ZNF587: variants seen among roughly 807,000 people sequenced by gnomAD.
ZNF587 encodes the protein zinc finger protein zfp6.
ZNF587 carries 8 observed loss-of-function variants against 7.5 expected under a neutral mutation model. That is an observed-to-expected ratio of 1.06 (90% CI 0.62 to 1.92). The LOEUF (loss-of-function observed/expected upper bound fraction) is 1.92. Among genes scored for constraint, ZNF587 ranks in the 40% most tolerant of loss-of-function variants. The pLI is 0.00. For missense variants in ZNF587, 468 were observed against 692.8 expected (o/e 0.68, Z 3.64); for synonymous variants, 145 against 237.8 (o/e 0.61, Z 3.59).
At chr19:57,852,892 G>A (rs1409951857) in intron 1 of ZNF587, among the ~76,000 whole-genome samples, 7 of 104,152 alleles carry the variant, frequency 6.7e-5, no homozygotes, top group Non-Finnish European at 1.0e-4. Context: ...TCACTCTCTT[G>A]TCCAGCCTGG....
Position 57,859,764 on chromosome 19 carries a change from T to A in ZNF587, c.1352T>A (p.Leu451His). The part of the protein sequence containing the change: ...CGKLFNRKYH[L>H]LVHERVHTGE... ...AAATTATTTAACAGGAAGTATCATC[T>A]TCTGGTTCATGAGAGAGTTCACACT... Residue 451 changes from leucine to histidine, a missense_variant, in exon 3 of 3, where the codon CTT (leucine) becomes CAT (histidine). By Grantham distance (99) the Leu-to-His change is moderately conservative (BLOSUM62 -3). Transcript: ENST00000339656. 2 of 1,613,750 alleles carry A rather than the reference T, an allele frequency of 1.2e-6. No individual in the cohort carries two copies. Among genetic ancestry groups the A allele is most frequent in the South Asian group, 2.2e-5 (2 of 91,084 alleles).
At chr19:57,857,171 C>T (rs2071367877) in intron 2 of ZNF587, 1 of 151,926 alleles carries the variant, frequency 6.6e-6, no homozygotes, top group Non-Finnish European at 1.5e-5. Flanking sequence ...TGGTTCAATT[C>T]AGGCTCATCA....
intron 1 of ZNF587, among the ~76,000 whole-genome samples, chr19:57,852,845 T>C (rs1310208841): frequency 9.1e-6 from 1 of 109,310 alleles, no homozygotes; most frequent in Non-Finnish European, 2.0e-5. Flanking sequence ...CTAGGCTTTT[T>C]TTTTTTTTTT....
Position 57,849,928 on chromosome 19 carries a change from C to T in ZNF587, c.-111C>T, listed in dbSNP as rs2071256732. ...GGCCCCTGAGTGCTGGGTGGGACCG[C>T]GGTGACTGAACCTAGAAGGTGGAGA... On this transcript the variant is annotated 5_prime_UTR_variant, in exon 1 of 3. Transcript: ENST00000339656. The T allele has an allele frequency of 2.5e-5, 40 of 1,599,750 alleles. No individual in the cohort carries two copies. The South Asian group carries it at 4.0e-4, about 16-fold the overall frequency.
At position 57,861,485 on chromosome 19, in the gene ZNF587, C is replaced by T. The variant is rs2071431429; in HGVS notation, c.*1345C>T. ...AGCTGGAAATACAGGTATGCACCAC[C>T]ACAACTGGATAACTTTTGTATTTTC... On this transcript the variant is annotated 3_prime_UTR_variant, in exon 3 of 3. Coordinates refer to ENST00000339656, the MANE Select transcript of ZNF587 (RefSeq NM_032828.4). 1 of 151,984 alleles carries T rather than the reference C, an allele frequency of 6.6e-6. No homozygotes were observed. Among genetic ancestry groups the T allele is most frequent in the Admixed American group, 6.6e-5 (1 of 15,254 alleles). The allele number at this position is 151,984 out of a possible 1,614,324, so 9.4% of individuals were successfully genotyped here.
chr19:57,850,059 G>A lies in ZNF587; in HGVS notation c.21G>A (p.Arg7=). 6.2e-7 allele frequency: 1 copy of A among 1,614,260 alleles called. No individual in the cohort carries two copies. The highest frequency in any genetic ancestry group is 8.5e-7 in the Non-Finnish European group (1 of 1,180,054). Residue 7 remains arginine (R), a synonymous_variant, in exon 1 of 3, where the codon AGG becomes AGA. Transcript: ENST00000339656. ...GTCCGATGGCAGCGGCTGTGCCGAGGCGCCCAACTCAGGTAATTGTGGTGC... is the reference window on the plus strand; with the variant it reads ...GTCCGATGGCAGCGGCTGTGCCGAGACGCCCAACTCAGGTAATTGTGGTGC... MAAAVP[R]RPTQQGTVTF...
intron 1 of ZNF587, among the ~76,000 whole-genome samples, chr19:57,853,363 C>T (rs1163970337): frequency 2.0e-5 from 3 of 152,190 alleles, no homozygotes; most frequent in African/African-American, 7.2e-5. Flanking sequence ...AAATCGATAA[C>T]TAGACATACT....
In ZNF587 at chr19:57,860,206, C is replaced by G. The variant is rs749907747; in HGVS notation, c.*66C>G. ...CTCGTTAAACACAGGAGAGTTCATACTGGAGAAAGGCCTTATGAGTGCTGT... is the reference window on the plus strand; with the variant it reads ...CTCGTTAAACACAGGAGAGTTCATAGTGGAGAAAGGCCTTATGAGTGCTGT... On this transcript the variant is annotated 3_prime_UTR_variant, in exon 3 of 3. Coordinates refer to ENST00000339656, the MANE Select transcript of ZNF587 (RefSeq NM_032828.4). 2 of 1,612,952 alleles carry G rather than the reference C, an allele frequency of 1.2e-6. No individual in the cohort carries two copies. Among genetic ancestry groups the G allele is most frequent in the South Asian group, 2.2e-5 (2 of 90,982 alleles).
intron 1 of ZNF587, chr19:57,850,691 C>T (rs1891815239): frequency 7.5e-6 from 3 of 397,384 alleles, no homozygotes; most frequent in Admixed American, 4.4e-5. Context: ...AAGGCGGGTC[C>T]AGGTGGCCAG....
chr19:57,853,862 TCTC>T (rs1398450343), intron 1 of ZNF587: 1 of 151,772 alleles, frequency 6.6e-6, no homozygotes, highest in East Asian at 1.9e-4. Flanking sequence ...TTCAAGCAAT[TCTC>T]CTGCCTCAGC....
At chr19:57,856,287 T>C (rs2071354829) in intron 2 of ZNF587, 54 bp downstream of exon 2, 39 of 1,530,562 alleles carry the variant, frequency 2.5e-5, no homozygotes, top group Non-Finnish European at 3.3e-5. Flanking sequence ...TGTTCCCCTG[T>C]TTTTCATTGA....
intron 1 of ZNF587, chr19:57,850,648 A>T (rs1317697809): frequency 2.5e-6 from 1 of 399,066 alleles, no homozygotes; most frequent in African/African-American, 2.1e-5. Flanking sequence ...TGCGGAGACA[A>T]AGGAGTTAGA....
intron 1 of ZNF587, chr19:57,850,884 C>A (rs868644590): frequency 4.0e-6 from 1 of 251,974 alleles, no homozygotes; most frequent in Non-Finnish European, 7.5e-6. Flanking sequence ...CTGTGAATTT[C>A]CTTGAACAAA....
Position 57,859,446 on chromosome 19 carries a change from G to A in ZNF587, c.1034G>A (p.Gly345Asp). ...GGTAACCTCATTCAACATCAGCAAG[G>A]TCACACTGGAGAGAGAGCTTATCAC... ...QKGNLIQHQQGHTGERAYHCG... is the reference protein window; with the variant it reads ...QKGNLIQHQQDHTGERAYHCG... Residue 345 changes from glycine to aspartate, a missense_variant, in exon 3 of 3, where the codon GGT (glycine) becomes GAT (aspartate). Physicochemically the swap from Gly to Asp is moderately conservative, Grantham distance 94. Coordinates refer to ENST00000339656, the MANE Select transcript of ZNF587 (RefSeq NM_032828.4). 6.2e-7 allele frequency: 1 copy of A among 1,611,704 alleles called. No individual in the cohort carries two copies. The highest frequency in any genetic ancestry group is 8.5e-7 in the Non-Finnish European group (1 of 1,179,948).
chr19:57,859,874 G>C lies in ZNF587; in HGVS notation c.1462G>C (p.Gly488Arg). ...SVTIHQRIHT[G>R]ERPYECSECG... ...GACTATACATCAGAGGATTCACACT[G>C]GAGAAAGGCCGTATGAATGCAGTGA... Residue 488 changes from glycine (G) to arginine (R), a missense_variant, in exon 3 of 3, where the codon GGA becomes CGA. Physicochemically the swap from Gly to Arg is moderately radical, Grantham distance 125 (BLOSUM62 -2). This residue lies in a region of ZNF587 where 310 missense variants were observed against 325.6 expected (regional missense o/e 0.95). Coordinates refer to ENST00000339656, the MANE Select transcript of ZNF587 (RefSeq NM_032828.4). 1 of 1,614,220 alleles carries C rather than the reference G, an allele frequency of 6.2e-7. No homozygotes were observed.
At position 57,860,040 on chromosome 19, in the gene ZNF587, C is replaced by A; in HGVS notation, c.1628C>A (p.Thr543Asn). 1 of 1,614,168 alleles carries A rather than the reference C, an allele frequency of 6.2e-7. No homozygotes were observed. The highest frequency in any genetic ancestry group is 1.1e-5 in the South Asian group (1 of 91,086). The change falls in exon 3 of 3, where the codon ACT becomes AAT. Residue 543 changes from threonine (T) to asparagine (N), a missense_variant. Around this residue, in one of 5 missense-constraint regions of ZNF587, gnomAD observed 310 missense variants for 325.6 expected, o/e 0.95. Transcript: ENST00000339656. The part of the protein sequence containing the change: ...SSLIKHRRIH[T>N]GERPYECTKC... Reference sequence around the variant, plus strand: ...CTCATTAAACACAGGAGAATTCACACTGGAGAAAGGCCTTATGAATGCACC... The same window carrying A: ...CTCATTAAACACAGGAGAATTCACAATGGAGAAAGGCCTTATGAATGCACC...
chr19:57,858,522 T>A, intron 2 of ZNF587, 54 bp from the exon 3 acceptor site: 9 of 1,568,232 alleles, frequency 5.7e-6, no homozygotes, highest in Non-Finnish European at 7.8e-6. Context: ...GTGGGTGGGC[T>A]GTGCCTTCCC....
At chr19:57,856,501 G>A (rs1352865302) in intron 2 of ZNF587, among the ~76,000 whole-genome samples, 5 of 151,150 alleles carry the variant, frequency 3.3e-5, no homozygotes, top group African/African-American at 4.9e-5. Context: ...TCCACCTCCC[G>A]GGTTCATGCC....
Position 57,861,821 on chromosome 19 carries a change from A to G in ZNF587, c.*1681A>G, listed in dbSNP as rs1333630626. 7.5e-6 allele frequency: 1 copy of G among 132,940 alleles called. No individual in the cohort carries two copies. Among genetic ancestry groups the G allele is most frequent in the East Asian group, 2.3e-4 (1 of 4,338 alleles). 8.2% of individuals were successfully genotyped at this position (132,940 alleles called of 1,614,324 possible). A position where few individuals can be genotyped will look rare whatever the true frequency, so the allele number is the denominator to read the frequency against. On this transcript the variant is annotated 3_prime_UTR_variant, in exon 3 of 3. Transcript: ENST00000339656. The stretch of plus-strand genomic sequence containing the variant: ...GGAGTCTAGCTCTGTCTCCTAAGCT[A>G]CAGTGAAGTGGCATGATCTCGGCCC...
Sources: allele counts gnomAD v4.1 joint callset (sites outside exome capture counted in the v4.1 genomes callset), GRCh38; gene constraint gnomAD v4.1.1; regional missense constraint gnomAD v4.1.1; transcripts MANE v1.5; gene names NCBI Gene and HGNC (gene_info 2026-07-23, HGNC 2026-07-21).